The following C18orf63 variants were observed in gnomAD, a reference collection of about 807,000 sequenced individuals.
C18orf63 encodes the protein uncharacterized protein C18orf63.
A neutral mutation model predicts 75.3 loss-of-function variants in C18orf63; 50 were observed. The observed-to-expected ratio is 0.66, with a 90% CI of 0.53 to 0.84. C18orf63 has a LOEUF of 0.84. Among genes scored for constraint, C18orf63 ranks in the 40% least tolerant of loss-of-function variants. C18orf63 has a pLI of 0.00. For missense variants in C18orf63, 732 were observed against 800.2 expected (o/e 0.91, Z 1.03); for synonymous variants, 232 against 267.6 (o/e 0.87, Z 1.30).
intron 2 of C18orf63, among the ~76,000 whole-genome samples, chr18:74,318,894 G>T (rs1255044350): frequency 6.6e-6 from 1 of 152,056 alleles, no homozygotes; most frequent in East Asian, 1.9e-4. Context: ...CTCAAAGGAA[G>T]AGTCATAGAA....
intron 7 of C18orf63, among the ~76,000 whole-genome samples, chr18:74,332,528 C>A (rs1466268831): frequency 2.0e-5 from 3 of 152,054 alleles, no homozygotes; most frequent in Admixed American, 6.5e-5. Flanking sequence ...AATGGTGTAA[C>A]CCTGTCTCTA....
intron 13 of C18orf63, among the ~76,000 whole-genome samples, chr18:74,356,018 C>A (rs1984758358): frequency 6.6e-6 from 1 of 151,844 alleles, no homozygotes; most frequent in African/African-American, 2.4e-5. Flanking sequence ...GTGTTTGCCA[C>A]TGCACTCCAG....
In C18orf63 at chr18:74,356,993, G is replaced by T. The variant is rs1026439633; in HGVS notation, c.*546G>T. On this transcript the variant is annotated 3_prime_UTR_variant, in exon 14 of 14. Coordinates refer to ENST00000579455, the MANE Select transcript of C18orf63 (RefSeq NM_001174123.2). ...CAAAGTGTATATATTTCTAACATAA[G>T]ATATAGTATATTTTTTAAGAAAAAA... The T allele has an allele frequency of 4.0e-5, 6 of 151,870 alleles. No homozygotes were observed. Among genetic ancestry groups the T allele is most frequent in the African/African-American group, 1.2e-4 (5 of 41,314 alleles). The allele number at this position is 151,870 out of a possible 1,614,324, so 9.4% of individuals were successfully genotyped here. A position where few individuals can be genotyped will look rare whatever the true frequency, so the allele number is the denominator to read the frequency against.
chr18:74,341,597 C>A (rs1341843966), intron 8 of C18orf63, among the ~76,000 whole-genome samples: 1 of 151,946 alleles, frequency 6.6e-6, no homozygotes, highest in Non-Finnish European at 1.5e-5. Context: ...ATCGCTTGAA[C>A]GATGGCTTGA....
At chr18:74,342,494 A>C (rs1000056148) in intron 10 of C18orf63, among the ~76,000 whole-genome samples, 168 bp downstream of exon 10, 1 of 152,168 alleles carries the variant, frequency 6.6e-6, no homozygotes, top group Non-Finnish European at 1.5e-5. Flanking sequence ...GTTTGCTTAG[A>C]ATATCTTCCT....
At position 74,357,940 on chromosome 18, in the gene C18orf63, T is replaced by G. The variant is rs1281640187; in HGVS notation, c.*1493T>G. 1 of 152,120 alleles carries G rather than the reference T, an allele frequency of 6.6e-6. No homozygotes were observed. Among genetic ancestry groups the G allele is most frequent in the Non-Finnish European group, 1.5e-5 (1 of 68,034 alleles). The allele number at this position is 152,120 out of a possible 1,614,324, so 9.4% of individuals were successfully genotyped here. A position where few individuals can be genotyped will look rare whatever the true frequency, so the allele number is the denominator to read the frequency against. ...TGTCATTTTGTTTATGAGGCTATGG[T>G]GAAAATAACATTAGTAAATATGCAT... On this transcript the variant is annotated 3_prime_UTR_variant, in exon 14 of 14. Transcript: ENST00000579455.
At chr18:74,328,092 G>T in intron 5 of C18orf63, 34 bp downstream of exon 5, 1 of 1,223,716 alleles carries the variant, frequency 8.2e-7, no homozygotes, top group South Asian at 1.3e-5. Context: ...GGGGCTTTCT[G>T]AACTAGATTA....
chr18:74,348,813 T>G (rs1278013690), intron 11 of C18orf63, among the ~76,000 whole-genome samples: 12 of 152,294 alleles, frequency 7.9e-5, no homozygotes, highest in African/African-American at 2.9e-4. Context: ...TTTTTATAAA[T>G]TTGAATATAA....
At chr18:74,316,829 C>T (rs1984034608) in intron 1 of C18orf63, among the ~76,000 whole-genome samples, 2 of 152,152 alleles carry the variant, frequency 1.3e-5, no homozygotes, top group African/African-American at 2.4e-5. Flanking sequence ...TAGGAACTCA[C>T]AAAATTAAAC....
chr18:74,327,910 C>T, intron 4 of C18orf63, 37 bp from the exon 5 acceptor site: 1 of 1,253,812 alleles, frequency 8.0e-7, no homozygotes, highest in South Asian at 1.3e-5. Flanking sequence ...AGCAATTGTT[C>T]TAAATTGGCC....
At chr18:74,319,862 A>G (rs969487917) in intron 2 of C18orf63, among the ~76,000 whole-genome samples, 1 of 152,234 alleles carries the variant, frequency 6.6e-6, no homozygotes, top group South Asian at 2.1e-4. Flanking sequence ...AGATGAATTT[A>G]GGTTCACAGA....
intron 7 of C18orf63, among the ~76,000 whole-genome samples, chr18:74,332,375 T>A (rs983599977): frequency 1.3e-5 from 2 of 152,160 alleles, no homozygotes; most frequent in Non-Finnish European, 2.9e-5. Context: ...AATCCATTCA[T>A]GAGGGCAAAG....
chr18:74,358,022 A>G lies in C18orf63; in HGVS notation c.*1575A>G, dbSNP rs1984798940. On this transcript the variant is annotated 3_prime_UTR_variant, in exon 14 of 14. Coordinates refer to ENST00000579455, the MANE Select transcript of C18orf63 (RefSeq NM_001174123.2). The stretch of plus-strand genomic sequence containing the variant: ...ATCATTCCTAAAACCAGCCTTCCCC[A>G]CTGTTCCATACATTCCCAGGCCACC... The G allele has an allele frequency of 2.0e-5, 3 of 152,100 alleles. No individual in the cohort carries two copies. The South Asian group carries it at 6.2e-4, about 32-fold the overall frequency. 9.4% of individuals were successfully genotyped at this position (152,100 alleles called of 1,614,324 possible). A position where few individuals can be genotyped will look rare whatever the true frequency, so the allele number is the denominator to read the frequency against.
chr18:74,353,665 T>G lies in C18orf63; in HGVS notation c.1398T>G (p.Ser466=). ...GAAAACAGCATGATGTGACACAATC[T>G]AAATTGTTTTCACTCAAAACTAGTA... The part of the protein sequence containing the change: ...PKRKQHDVTQ[S]KLFSLKTSMI... The change falls in exon 12 of 14, where the codon TCT becomes TCG. Residue 466 remains serine, a synonymous_variant. Transcript: ENST00000579455. 6.5e-7 allele frequency: 1 copy of G among 1,536,150 alleles called. No individual in the cohort carries two copies. Among genetic ancestry groups the G allele is most frequent in the Non-Finnish European group, 8.7e-7 (1 of 1,146,892 alleles).
At position 74,327,952 on chromosome 18, in the gene C18orf63, G is replaced by A; in HGVS notation, c.276G>A (p.Glu92=). The change falls in exon 5 of 14, where the codon GAG becomes GAA. Residue 92 remains glutamate (E), a synonymous_variant. Coordinates refer to ENST00000579455, the MANE Select transcript of C18orf63 (RefSeq NM_001174123.2). The part of the protein sequence containing the change: ...AYVEKYGAKM[E]APQRVIPVIL... ...TTGCCATTTAATATTTTTAGATGGA[G>A]GCTCCACAAAGAGTAATTCCTGTAA... 1 of 1,530,936 alleles carries A rather than the reference G, an allele frequency of 6.5e-7. No individual in the cohort carries two copies. The highest frequency in any genetic ancestry group is 1.4e-5 in the African/African-American group (1 of 72,972). The allele number at this position is 1,530,936 out of a possible 1,614,324, so 94.8% of individuals were successfully genotyped here.
chr18:74,355,191 ATT>A (rs984886630), intron 13 of C18orf63, among the ~76,000 whole-genome samples: 5 of 152,102 alleles, frequency 3.3e-5, no homozygotes, highest in African/African-American at 1.2e-4. Flanking sequence ...ACTAGAAAAC[ATT>A]TTCTTTTCCA....
chr18:74,327,540 C>T (rs1984228972), intron 4 of C18orf63, among the ~76,000 whole-genome samples: 1 of 152,088 alleles, frequency 6.6e-6, no homozygotes, highest in Non-Finnish European at 1.5e-5. Flanking sequence ...TATTGGGCTG[C>T]AAGAAATAGC....
rs1230731627 is a variant in C18orf63 at position 74,343,584 on chromosome 18, T to G, written c.860T>G (p.Val287Gly). The change falls in exon 11 of 14, where the codon GTG (valine) becomes GGG (glycine). Residue 287 changes from valine (V) to glycine (G), a missense_variant. By Grantham distance (109) the Val-to-Gly change is moderately radical. Coordinates refer to ENST00000579455, the MANE Select transcript of C18orf63 (RefSeq NM_001174123.2). ...QFFPRVDSEV[V>G]LKSFLSDLKS... ...TTTCCAAGGGTAGATTCGGAAGTTG[T>G]GTTGAAAAGTTTTCTTTCAGATTTA... The G allele has an allele frequency of 3.3e-6, 5 of 1,535,132 alleles. No homozygotes were observed. Among genetic ancestry groups the G allele is most frequent in the Middle Eastern group, 1.7e-4 (1 of 5,986 alleles).
At chr18:74,332,681 T>G (rs1488139151) in intron 7 of C18orf63, among the ~76,000 whole-genome samples, 1 of 149,214 alleles carries the variant, frequency 6.7e-6, no homozygotes, top group Non-Finnish European at 1.5e-5. Flanking sequence ...TGCACTCCAG[T>G]CTGGGCTACA....
Sources: allele counts gnomAD v4.1 joint callset (sites outside exome capture counted in the v4.1 genomes callset), GRCh38; gene constraint gnomAD v4.1.1; transcripts MANE v1.5; gene names NCBI Gene and HGNC (gene_info 2026-07-23, HGNC 2026-07-21).